SENP7: variants seen among roughly 807,000 people sequenced by gnomAD.
SENP7 encodes sentrin-specific protease 7.
In SENP7, 64 loss-of-function variants were observed where a neutral mutation model predicts 141.2. That is an observed-to-expected ratio of 0.45 (90% CI 0.37 to 0.56). The LOEUF (loss-of-function observed/expected upper bound fraction) is 0.56, where lower values mean the gene tolerates loss of function less well. SENP7 is among the 20% of genes least tolerant of loss of function. The pLI is 0.00. For missense variants in SENP7, 1,025 were observed against 1,212.2 expected (o/e 0.85, Z 2.29); for synonymous variants, 382 against 426.4 (o/e 0.90, Z 1.28).
intron 4 of SENP7, among the ~76,000 whole-genome samples, chr3:101,436,448 T>C (rs1409230898): frequency 6.6e-6 from 1 of 152,142 alleles, no homozygotes; most frequent in African/African-American, 2.4e-5. Flanking sequence ...AAAAAGCTTC[T>C]GTACATGAAA....
intron 3 of SENP7, among the ~76,000 whole-genome samples, chr3:101,465,312 C>A (rs1421869609): frequency 6.6e-6 from 1 of 152,192 alleles, no homozygotes; most frequent in Non-Finnish European, 1.5e-5. Context: ...GCTGCCACTG[C>A]CATTGCCTAC....
intron 13 of SENP7, among the ~76,000 whole-genome samples, chr3:101,346,119 A>G (rs1359149190): frequency 3.9e-5 from 6 of 152,236 alleles, no homozygotes; most frequent in Admixed American, 3.9e-4. Flanking sequence ...ACATGAATAG[A>G]CAATTCTCAA....
intron 11 of SENP7, among the ~76,000 whole-genome samples, chr3:101,360,453 G>A (rs189162189): frequency 1.9e-3 from 285 of 152,212 alleles, no homozygotes; most frequent in Non-Finnish European, 3.5e-3. Context: ...AAATATTTAT[G>A]TGTCTGTCTC....
At chr3:101,394,707 T>C (rs756652391) in intron 6 of SENP7, among the ~76,000 whole-genome samples, 2 of 152,048 alleles carry the variant, frequency 1.3e-5, no homozygotes, top group Non-Finnish European at 2.9e-5. Flanking sequence ...CTATTTTAGT[T>C]TTCTGAGAAA....
chr3:101,354,975 G>A (rs1172057631), intron 11 of SENP7, among the ~76,000 whole-genome samples: 1 of 152,156 alleles, frequency 6.6e-6, no homozygotes, highest in African/African-American at 2.4e-5. Flanking sequence ...CTAATGATCA[G>A]TGATATTGAG....
chr3:101,442,539 T>C (rs1441108417), intron 4 of SENP7, among the ~76,000 whole-genome samples: 2 of 152,076 alleles, frequency 1.3e-5, no homozygotes, highest in Non-Finnish European at 2.9e-5. Context: ...GCGGCCTGGT[T>C]CCTAACAGGC....
intron 6 of SENP7, among the ~76,000 whole-genome samples, chr3:101,378,181 A>C (rs1022126425): frequency 2.6e-5 from 4 of 152,040 alleles, no homozygotes; most frequent in Admixed American, 1.3e-4. Flanking sequence ...AACAAAAAGA[A>C]AATTAAAAGC....
chr3:101,398,218 G>C (rs1369337113), intron 6 of SENP7, among the ~76,000 whole-genome samples: 1 of 152,202 alleles, frequency 6.6e-6, no homozygotes, highest in Non-Finnish European at 1.5e-5. Context: ...CCAGCCCTTT[G>C]GGAGGCTGAA....
At chr3:101,471,238 C>G (rs1212665286) in intron 3 of SENP7, among the ~76,000 whole-genome samples, 5 of 152,170 alleles carry the variant, frequency 3.3e-5, no homozygotes, top group African/African-American at 9.7e-5. Flanking sequence ...ATCACACTAC[C>G]TGACTTCAAA....
intron 1 of SENP7, among the ~76,000 whole-genome samples, chr3:101,507,866 T>C (rs1183108896): frequency 2.6e-5 from 4 of 151,776 alleles, no homozygotes; most frequent in Non-Finnish European, 5.9e-5. Context: ...CTAGCCAACA[T>C]GGTGAAACCC....
intron 4 of SENP7, among the ~76,000 whole-genome samples, chr3:101,448,470 C>A (rs2062983126): frequency 6.6e-6 from 1 of 152,210 alleles, no homozygotes; most frequent in East Asian, 1.9e-4. Flanking sequence ...GACGAATTAG[C>A]TCCAGACCCT....
chr3:101,361,806 A>C lies in SENP7; in HGVS notation c.1532T>G (p.Met511Arg), dbSNP rs777207372. ...NPVMENISSI[M>R]PSNEMDLQLD... Reference sequence around the variant, plus strand: ...TTGTAGATCCATCTCATTACTAGGCATAATACTGGAAATGTTCTCCATGAC... The same window carrying C: ...TTGTAGATCCATCTCATTACTAGGCCTAATACTGGAAATGTTCTCCATGAC... Residue 511 changes from methionine (M) to arginine (R), a missense_variant, in exon 11 of 24, where the codon ATG (methionine) becomes AGG (arginine). Transcript: ENST00000394095. 6.2e-7 allele frequency: 1 copy of C among 1,608,842 alleles called. No homozygotes were observed. The highest frequency in any genetic ancestry group is 1.1e-5 in the South Asian group (1 of 89,490).
chr3:101,364,156 G>GGT (rs1441547842), intron 10 of SENP7, among the ~76,000 whole-genome samples: 5 of 152,068 alleles, frequency 3.3e-5, no homozygotes, highest in African/African-American at 1.2e-4. Context: ...GAGCCCAAGA[G>GGT]GTTGAGGCTG....
At position 101,348,042 on chromosome 3, in the gene SENP7, T is replaced by G; in HGVS notation, c.1667A>C (p.Asn556Thr). Residue 556 changes from asparagine (N) to threonine (T), a missense_variant, in exon 13 of 24, where the codon AAT becomes ACT. By Grantham distance (65) the Asn-to-Thr change is moderately conservative (BLOSUM62 0). This residue lies in a region of SENP7 where 228 missense variants were observed against 228.5 expected (regional missense o/e 1.00). Transcript: ENST00000394095. The part of the protein sequence containing the change: ...YIKIPFQVSL[N>T]EISLLVDTTH... ...GGTATCCACTAGCAATGAAATCTCA[T>G]TCAGGGACACTGAAACAAATAAAAG... is the stretch of plus-strand genomic sequence containing the variant. The G allele has an allele frequency of 6.3e-7, 1 of 1,580,850 alleles. No individual in the cohort carries two copies. The highest frequency in any genetic ancestry group is 2.3e-5 in the East Asian group (1 of 44,044).
intron 6 of SENP7, among the ~76,000 whole-genome samples, chr3:101,395,146 A>C (rs1255348446): frequency 2.0e-5 from 3 of 152,194 alleles, no homozygotes; most frequent in Non-Finnish European, 1.5e-5. Flanking sequence ...TGCAGAAGCC[A>C]TTCAGCTTAA....
Position 101,340,195 on chromosome 3 carries a change from G to T in SENP7, c.2257C>A (p.Pro753Thr). The change falls in exon 16 of 24, where the codon CCA becomes ACA. Residue 753 changes from proline to threonine, a missense_variant. By Grantham distance (38) the Pro-to-Thr change is conservative. Around this residue, in one of 4 missense-constraint regions of SENP7, gnomAD observed 295 missense variants for 459.1 expected, o/e 0.64. Coordinates refer to ENST00000394095, the MANE Select transcript of SENP7 (RefSeq NM_020654.5). Reference protein sequence around the residue: ...GLVQKLIVYPPPPTKGGLGVT... With the variant: ...GLVQKLIVYPTPPTKGGLGVT... ...CCTAATCCCCCCTTAGTAGGTGGTG[G>T]AGGATATACAATCAACCTTAAAAGT... 1.3e-6 allele frequency: 2 copies of T among 1,595,542 alleles called. No homozygotes were observed. Among genetic ancestry groups the T allele is most frequent in the Non-Finnish European group, 1.7e-6 (2 of 1,173,796 alleles).
At chr3:101,457,636 C>A (rs1176161348) in intron 4 of SENP7, 1 of 1,545,774 alleles carries the variant, frequency 6.5e-7, no homozygotes, top group Non-Finnish European at 8.9e-7. Context: ...CTATGAACCA[C>A]CTTCTTCCTT....
At chr3:101,355,607 A>AG (rs2059720096) in intron 11 of SENP7, among the ~76,000 whole-genome samples, 1 of 152,188 alleles carries the variant, frequency 6.6e-6, no homozygotes, top group Non-Finnish European at 1.5e-5. Context: ...TGTTTTGGTT[A>AG]CTATAGCTCT....
At chr3:101,333,199 T>C (rs931655446) in intron 17 of SENP7, 21 of 232,348 alleles carry the variant, frequency 9.0e-5, no homozygotes, top group African/African-American at 4.5e-4. Flanking sequence ...AATACTGTCA[T>C]TAAACCTTAA....
Sources: allele counts gnomAD v4.1 joint callset (sites outside exome capture counted in the v4.1 genomes callset), GRCh38; gene constraint gnomAD v4.1.1; regional missense constraint gnomAD v4.1.1; transcripts MANE v1.5; gene names NCBI Gene and HGNC (gene_info 2026-07-23, HGNC 2026-07-21).